Variants in ARHGAP22 observed in about 807,000 individuals in gnomAD.
The protein encoded by ARHGAP22 is rho GTPase-activating protein 22.
ARHGAP22 carries 48 observed loss-of-function variants against 59.1 expected under a neutral mutation model. The observed-to-expected ratio is 0.81, with a 90% CI of 0.64 to 1.03. The LOEUF (loss-of-function observed/expected upper bound fraction) is 1.03. ARHGAP22 is among the 50% of genes least tolerant of loss of function. ARHGAP22 has a pLI of 0.00. For missense variants in ARHGAP22, 1,015 were observed against 958.7 expected, an observed-to-expected ratio of 1.06 and a Z score of -0.78; for synonymous variants, 445 against 416.4, an observed-to-expected ratio of 1.07 and a Z score of -0.84.
chr10:48,614,669 C>T (rs1046207395), intron 1 of ARHGAP22, among the ~76,000 whole-genome samples: 1 of 152,144 alleles, frequency 6.6e-6, no homozygotes, highest in African/African-American at 2.4e-5. Context: ...CAGGGGAATG[C>T]TTAATCAGGA....
In ARHGAP22 at chr10:48,498,099, G is replaced by C. The variant is rs2051130953; in HGVS notation, c.323-18335C>G. ...GTCCCCAACTTGCATAAGGCTCCCTGCGGGTAACATCTACCTTGGCCTGTC... is the reference window on the plus strand; with the variant it reads ...GTCCCCAACTTGCATAAGGCTCCCTCCGGGTAACATCTACCTTGGCCTGTC... On this transcript the variant is annotated intron_variant, in intron 3 of 9. Transcript: ENST00000249601. 2.0e-5 allele frequency among the ~76,000 whole-genome samples: 3 copies of C among 152,154 alleles called. No individual in the cohort carries two copies. The South Asian group carries it at 6.2e-4, about 32-fold the overall frequency.
At chr10:48,525,346 G>T (rs1003760308) in intron 3 of ARHGAP22, among the ~76,000 whole-genome samples, 1 of 152,228 alleles carries the variant, frequency 6.6e-6, no homozygotes. Flanking sequence ...GCCAAAGTAG[G>T]TGGATCACTT....
chr10:48,536,797 C>G (rs2055400325), intron 3 of ARHGAP22, among the ~76,000 whole-genome samples: 1 of 152,078 alleles, frequency 6.6e-6, no homozygotes, highest in Admixed American at 6.5e-5. Context: ...TCCCAGGGGG[C>G]AATGTAATGT....
At chr10:48,548,203 C>T (rs144461204) in intron 3 of ARHGAP22, among the ~76,000 whole-genome samples, 120 of 152,308 alleles carry the variant, frequency 7.9e-4, no homozygotes, top group African/African-American at 2.8e-3. Flanking sequence ...GGCCCCGTGA[C>T]AGCCCAGCCG....
At chr10:48,583,194 G>A (rs2059224640) in intron 1 of ARHGAP22, 42 bp from the exon 2 acceptor site, 3 of 1,589,396 alleles carry the variant, frequency 1.9e-6, no homozygotes, top group South Asian at 1.1e-5. Context: ...AAGGCAGCGT[G>A]CCTGCTATCA....
intron 1 of ARHGAP22, among the ~76,000 whole-genome samples, chr10:48,585,975 C>T (rs368050847): frequency 3.9e-5 from 6 of 152,142 alleles, no homozygotes; most frequent in Admixed American, 6.5e-5. Context: ...AGCCCAACAG[C>T]GCCCTGAAAC....
At chr10:48,446,737 G>T in intron 9 of ARHGAP22, 118 bp from the exon 10 acceptor site, 1 of 1,009,852 alleles carries the variant, frequency 9.9e-7, no homozygotes, top group Middle Eastern at 2.9e-4. Flanking sequence ...ATGGCGGCAG[G>T]AGGAAACCCT....
rs527460374 is a variant in ARHGAP22 at position 48,552,203 on chromosome 10, T to C, written c.322+3260A>G. On this transcript the variant is annotated intron_variant, in intron 3 of 9. Coordinates refer to ENST00000249601, the MANE Select transcript of ARHGAP22 (RefSeq NM_021226.4). ...TCACATTTCCAAGAGTTGTCAAGTT[T>C]TTCCCCCTCTTGGGGGTGCTGGTTG... is the stretch of plus-strand genomic sequence containing the variant. 2.0e-3 allele frequency among the ~76,000 whole-genome samples: 304 copies of C among 152,408 alleles called. 2 individuals are homozygous for C. Among genetic ancestry groups the C allele is most frequent in the African/African-American group, 7.1e-3 (296 of 41,602 alleles).
At chr10:48,459,639 A>C in intron 5 of ARHGAP22, 45 bp downstream of exon 5, 1 of 1,603,020 alleles carries the variant, frequency 6.2e-7, no homozygotes, top group Non-Finnish European at 8.5e-7. Context: ...CCCCTGCAGG[A>C]GGAATGGACA....
chr10:48,572,770 G>C (rs1437841446), intron 2 of ARHGAP22, among the ~76,000 whole-genome samples: 2 of 152,132 alleles, frequency 1.3e-5, no homozygotes. Context: ...AGGTTGCAAT[G>C]CTTTACGAAA....
chr10:48,504,966 G>A (rs1484632981), intron 3 of ARHGAP22, among the ~76,000 whole-genome samples: 1 of 152,168 alleles, frequency 6.6e-6, no homozygotes, highest in Non-Finnish European at 1.5e-5. Context: ...GCCTAGGCAG[G>A]CAGAGGGGCC....
chr10:48,618,178 A>G (rs1171114111), intron 1 of ARHGAP22, among the ~76,000 whole-genome samples: 2 of 152,110 alleles, frequency 1.3e-5, no homozygotes, highest in Non-Finnish European at 2.9e-5. Flanking sequence ...TGAACAGACC[A>G]ATTATGAGTA....
chr10:48,472,410 G>C (rs1005310458), intron 4 of ARHGAP22, among the ~76,000 whole-genome samples: 2 of 152,016 alleles, frequency 1.3e-5, no homozygotes, highest in Admixed American at 6.6e-5. Context: ...TGTAATCCCA[G>C]CTACTCAGGA....
At chr10:48,640,319 A>T (rs1243732272) in intron 1 of ARHGAP22, among the ~76,000 whole-genome samples, 5 of 152,238 alleles carry the variant, frequency 3.3e-5, no homozygotes, top group Non-Finnish European at 5.9e-5. Flanking sequence ...TATTTGAAAA[A>T]GATAATTACT....
intron 4 of ARHGAP22, 36 bp from the exon 5 acceptor site, chr10:48,459,927 A>C: frequency 6.3e-7 from 1 of 1,592,976 alleles, no homozygotes; most frequent in Non-Finnish European, 8.6e-7. Flanking sequence ...ACCCTCCACC[A>C]CCCAGCTCAG....
chr10:48,604,689 C>A (rs2060581660), intron 1 of ARHGAP22, 74 bp downstream of exon 1: 1 of 1,611,580 alleles, frequency 6.2e-7, no homozygotes, highest in Non-Finnish European at 8.5e-7. Flanking sequence ...GGCGTGACGG[C>A]TGGCCAAGTG....
At chr10:48,546,514 G>C (rs1800125813) in intron 3 of ARHGAP22, 1 of 159,154 alleles carries the variant, frequency 6.3e-6, no homozygotes, top group African/African-American at 2.4e-5. Context: ...CTGGCAACAG[G>C]GCACAGATTC....
At chr10:48,622,890 A>C (rs188599007) in intron 1 of ARHGAP22, among the ~76,000 whole-genome samples, 110 of 152,368 alleles carry the variant, frequency 7.2e-4, no homozygotes, top group African/African-American at 2.4e-3. Flanking sequence ...CTTAAGAGCC[A>C]CTAAAGTAGT....
intron 2 of ARHGAP22, chr10:48,582,592 G>A: frequency 3.3e-6 from 1 of 298,994 alleles, no homozygotes; most frequent in East Asian, 8.9e-5. Context: ...AGATGTGTCT[G>A]GTGACCCATT....
Sources: gnomAD v4.1 joint callset for allele counts (sites outside exome capture counted in the v4.1 genomes callset) on GRCh38, gnomAD v4.1.1 for gene constraint, MANE v1.5 for transcripts, NCBI Gene and HGNC (gene_info 2026-07-23, HGNC 2026-07-21) for gene names.